EXPH5: variants seen among roughly 807,000 people sequenced by gnomAD.
The protein encoded by EXPH5 is exophilin-5.
Under a neutral mutation model 41.1 loss-of-function variants are expected in EXPH5, and 42 were observed. The ratio of observed to expected loss-of-function variants is 1.02; its 90% confidence interval spans 0.80 to 1.32. The LOEUF is 1.32. Among genes scored for constraint, EXPH5 ranks in the 40% most tolerant of loss-of-function variants. The probability of loss-of-function intolerance (pLI) is 0.00; values close to 1 mark genes in which losing one functional copy is unlikely to be tolerated. For synonymous variants in EXPH5, 798 were observed against 833.5 expected (o/e 0.96, Z 0.73); for missense variants, 2,298 against 2,314.5 (o/e 0.99, Z 0.15).
chr11:108,510,615 T>C lies in EXPH5; in HGVS notation c.4892A>G (p.His1631Arg), dbSNP rs753274780. The C allele has an allele frequency of 3.3e-5, 54 of 1,614,040 alleles. No homozygotes were observed. The Admixed American group carries it at 9.0e-4, about 27-fold the overall frequency. Reference protein sequence around the residue: ...PQSGSRSGFDHLSLGTVECNP... With the variant: ...PQSGSRSGFDRLSLGTVECNP... The stretch of plus-strand genomic sequence containing the variant: ...GCACTCCACTGTGCCAAGAGATAAA[T>C]GGTCAAAGCCAGATCTGCTTCCACT... Residue 1631 changes from histidine to arginine, a missense_variant, in exon 6 of 6, where the codon CAT becomes CGT. Coordinates refer to ENST00000265843, the MANE Select transcript of EXPH5 (RefSeq NM_015065.3).
chr11:108,574,775 C>T (rs577872432), intron 1 of EXPH5, among the ~76,000 whole-genome samples: 24 of 152,284 alleles, frequency 1.6e-4, no homozygotes, highest in Non-Finnish European at 2.6e-4. Flanking sequence ...GAAATCTGCT[C>T]GAAGGCATCA....
At position 108,593,330 on chromosome 11, in the gene EXPH5, G is replaced by T. The variant is rs2094132850; in HGVS notation, c.119+88C>A. On this transcript the variant is annotated intron_variant, in intron 1 of 5. Transcript: ENST00000265843. ...CCGCTCGGAGCACCCCCGGGCAGGT[G>T]CCCCGCGCGAGCTCAGCGCCTTCCC... The T allele has an allele frequency of 1.7e-5, 20 of 1,179,448 alleles. No homozygotes were observed. The South Asian group carries it at 2.1e-4, about 12-fold the overall frequency. 73.1% of individuals were successfully genotyped at this position (1,179,448 alleles called of 1,614,324 possible). A position where few individuals can be genotyped will look rare whatever the true frequency, so the allele number is the denominator to read the frequency against.
Position 108,523,731 on chromosome 11 carries a change from G to T in EXPH5, c.492+4405C>A, listed in dbSNP as rs188294905. Among the ~76,000 whole-genome samples the T allele has an allele frequency of 2.0e-5, 3 of 152,268 alleles. No individual in the cohort carries two copies. The East Asian group carries it at 5.8e-4, about 29-fold the overall frequency. On this transcript the variant is annotated intron_variant, in intron 4 of 5. Coordinates refer to ENST00000265843, the MANE Select transcript of EXPH5 (RefSeq NM_015065.3). ...TACCAAAAATACAAAAACTTAGCAG[G>T]CTTGATGGAACATGTCTGTAGTCTC...
At chr11:108,598,095 C>A (rs534160755), upstream of EXPH5, among the ~76,000 whole-genome samples, 11 of 152,126 alleles carry the variant, frequency 7.2e-5, no homozygotes, top group Admixed American at 3.9e-4. Flanking sequence ...GGGAGGGATG[C>A]AGGGAGGGCT....
chr11:108,556,672 G>T (rs990339252), intron 1 of EXPH5, among the ~76,000 whole-genome samples: 2 of 152,006 alleles, frequency 1.3e-5, no homozygotes, highest in South Asian at 2.1e-4. Flanking sequence ...ATGGGGTTTT[G>T]CCATGTTGGC....
At chr11:108,573,358 A>G (rs2094069429) in intron 1 of EXPH5, among the ~76,000 whole-genome samples, 1 of 152,230 alleles carries the variant, frequency 6.6e-6, no homozygotes. Flanking sequence ...TGGAGACCTC[A>G]TGATGAATGG....
chr11:108,569,808 T>C (rs940754801), intron 1 of EXPH5, among the ~76,000 whole-genome samples: 34 of 147,438 alleles, frequency 2.3e-4, no homozygotes, highest in Admixed American at 2.3e-3. Context: ...AAAAAATCTA[T>C]GGGGCTCTCA....
Position 108,514,888 on chromosome 11 carries a change from T to C in EXPH5, c.632-13A>G, listed in dbSNP as rs752204881. The C allele has an allele frequency of 1.4e-6, 2 of 1,408,626 alleles. No individual in the cohort carries two copies. Among genetic ancestry groups the C allele is most frequent in the East Asian group, 5.0e-5 (2 of 39,738 alleles). The allele number at this position is 1,408,626 out of a possible 1,614,324, so 87.3% of individuals were successfully genotyped here. On this transcript the variant is annotated splice_polypyrimidine_tract_variant and intron_variant, in intron 5 of 5. Coordinates refer to ENST00000265843, the MANE Select transcript of EXPH5 (RefSeq NM_015065.3). ...AAGTCATCTAAAACTGAAAAGAGAATGTGAATCAACCTTTTTCTGTATGTT... is the reference window on the plus strand; with the variant it reads ...AAGTCATCTAAAACTGAAAAGAGAACGTGAATCAACCTTTTTCTGTATGTT...
intron 3 of EXPH5, among the ~76,000 whole-genome samples, chr11:108,532,505 A>G (rs1244339275): frequency 2.7e-5 from 4 of 146,948 alleles, no homozygotes; most frequent in African/African-American, 7.6e-5. Context: ...GTGAGCCATC[A>G]TGCTTGATCT....
chr11:108,606,179 C>A, the EXPH5 span, among the ~76,000 whole-genome samples: 1 of 152,168 alleles, frequency 6.6e-6, no homozygotes, highest in Non-Finnish European at 1.5e-5. Context: ...CAGGTGTGAG[C>A]CACTGCACCC....
intron 1 of EXPH5, chr11:108,552,010 A>T (rs900253677): frequency 6.6e-6 from 1 of 152,168 alleles, no homozygotes; most frequent in Non-Finnish European, 1.5e-5. Flanking sequence ...TGAAGCCCCA[A>T]GAGACTCACC....
chr11:108,572,281 G>T (rs1321386423), intron 1 of EXPH5, among the ~76,000 whole-genome samples: 2 of 152,184 alleles, frequency 1.3e-5, no homozygotes, highest in Non-Finnish European at 2.9e-5. Flanking sequence ...CGGGGCAGAA[G>T]AACCCTTTGA....
chr11:108,536,691 T>G (rs2093882276), intron 3 of EXPH5, among the ~76,000 whole-genome samples: 1 of 152,150 alleles, frequency 6.6e-6, no homozygotes, highest in African/African-American at 2.4e-5. Context: ...AGGGAACAAG[T>G]GAATCTGGTG....
chr11:108,532,368 T>TACATATATATATATATATATG (rs1565800742), intron 3 of EXPH5, among the ~76,000 whole-genome samples: 1 of 27,162 alleles, frequency 3.7e-5, no homozygotes, highest in African/African-American at 2.6e-4. Context: ...ATATATATAT[T>TACATATATATATATATATATG]TTTTTTTTTT....
chr11:108,576,190 G>A lies in EXPH5; in HGVS notation c.119+17228C>T, dbSNP rs772125444. On this transcript the variant is annotated intron_variant, in intron 1 of 5. Transcript: ENST00000265843. ...GAAACAACTCAAATGTCTATCAATGGATGAATAGATAAATAAATTGTGGCA... is the reference window on the plus strand; with the variant it reads ...GAAACAACTCAAATGTCTATCAATGAATGAATAGATAAATAAATTGTGGCA... 1.3e-5 allele frequency among the ~76,000 whole-genome samples: 2 copies of A among 152,018 alleles called. 1 individual carries two copies. The highest frequency in any genetic ancestry group is 2.9e-5 in the Non-Finnish European group (2 of 68,000).
At chr11:108,516,474 G>T (rs934937154) in intron 5 of EXPH5, among the ~76,000 whole-genome samples, 29 of 152,126 alleles carry the variant, frequency 1.9e-4, no homozygotes, top group African/African-American at 6.5e-4. Flanking sequence ...TTTGAGGTGT[G>T]TAGACTCTCT....
upstream of EXPH5, among the ~76,000 whole-genome samples, chr11:108,598,452 A>T (rs1336172074): frequency 6.6e-6 from 1 of 152,206 alleles, no homozygotes; most frequent in Non-Finnish European, 1.5e-5. Context: ...GGGAGTTTGC[A>T]CTTCCTTGGA....
chr11:108,540,880 T>G (rs1372182907), intron 2 of EXPH5, among the ~76,000 whole-genome samples: 2 of 151,660 alleles, frequency 1.3e-5, no homozygotes, highest in Non-Finnish European at 2.9e-5. Flanking sequence ...TTTAAGTGCT[T>G]ACCCTGTTCC....
At chr11:108,585,807 T>G (rs1420733842) in intron 1 of EXPH5, among the ~76,000 whole-genome samples, 3 of 152,250 alleles carry the variant, frequency 2.0e-5, no homozygotes, top group African/African-American at 7.2e-5. Flanking sequence ...GCAGCATTAT[T>G]TAATATCATC....
Sources: allele counts gnomAD v4.1 joint callset (sites outside exome capture counted in the v4.1 genomes callset), GRCh38; gene constraint gnomAD v4.1.1; transcripts MANE v1.5; gene names NCBI Gene and HGNC (gene_info 2026-07-23, HGNC 2026-07-21).